The following MCTP2 variants were observed in gnomAD, a reference collection of about 807,000 sequenced individuals.
The protein encoded by MCTP2 is multiple C2 and transmembrane domain-containing protein 2.
MCTP2 carries 132 observed loss-of-function variants against 111.6 expected under a neutral mutation model. That is an observed-to-expected ratio of 1.18 (90% CI 1.03 to 1.37). The LOEUF is 1.37. MCTP2 is among the 40% of genes most tolerant of loss of function. The pLI is 0.00. For missense variants in MCTP2, 1,183 were observed against 1,067.9 expected (o/e 1.11, Z -1.50); for synonymous variants, 395 against 387.7 (o/e 1.02, Z -0.22).
chr15:94,383,023 G>T (rs1287559218), intron 12 of MCTP2, among the ~76,000 whole-genome samples: 1 of 152,078 alleles, frequency 6.6e-6, no homozygotes, highest in African/African-American at 2.4e-5. Flanking sequence ...GTAGAAAGAG[G>T]AGAGGTGAGA....
chr15:94,398,318 T>TG (rs1458184190), intron 14 of MCTP2, among the ~76,000 whole-genome samples: 3 of 152,190 alleles, frequency 2.0e-5, no homozygotes, highest in Non-Finnish European at 4.4e-5. Flanking sequence ...AATAACATTT[T>TG]GGGGGGAATA....
At chr15:94,372,924 GAAC>G (rs1246917035) in intron 12 of MCTP2, among the ~76,000 whole-genome samples, 1 of 152,052 alleles carries the variant, frequency 6.6e-6, no homozygotes, top group African/African-American at 2.4e-5. Context: ...ATGTTTCTAA[GAAC>G]AACATGAAGT....
At chr15:94,235,629 T>C (rs1227304914) in intron 1 of MCTP2, among the ~76,000 whole-genome samples, 1 of 152,216 alleles carries the variant, frequency 6.6e-6, no homozygotes, top group African/African-American at 2.4e-5. Flanking sequence ...GTGCCAGGCA[T>C]TTTGCTAAGA....
intron 1 of MCTP2, among the ~76,000 whole-genome samples, chr15:94,242,937 GTATATGTAGATACACATATACACGTGTA>G (rs2071093923): frequency 1.5e-5 from 2 of 137,614 alleles, no homozygotes; most frequent in African/African-American, 5.4e-5. Context: ...ATATACACGT[GTATATGTAGATACACATATACACGTGTA>G]TATGTGTATC....
chr15:94,417,981 A>G (rs1337634519), intron 17 of MCTP2, among the ~76,000 whole-genome samples: 1 of 152,110 alleles, frequency 6.6e-6, no homozygotes, highest in Non-Finnish European at 1.5e-5. Flanking sequence ...AAGTGGAGTA[A>G]CTTAATACAG....
chr15:94,349,465 C>T (rs923771271), intron 8 of MCTP2, among the ~76,000 whole-genome samples: 9 of 151,988 alleles, frequency 5.9e-5, no homozygotes, highest in Non-Finnish European at 8.8e-5. Flanking sequence ...GAATTAGTGA[C>T]GGAGGTATTC....
intron 4 of MCTP2, among the ~76,000 whole-genome samples, chr15:94,319,956 C>A (rs2076551022): frequency 6.6e-6 from 1 of 152,162 alleles, no homozygotes. Flanking sequence ...TCTTTCAATA[C>A]AGACTCAGAT....
At chr15:94,354,875 T>C (rs1238926581) in intron 8 of MCTP2, among the ~76,000 whole-genome samples, 1 of 152,208 alleles carries the variant, frequency 6.6e-6, no homozygotes, top group Admixed American at 6.5e-5. Context: ...AATTGGTGTC[T>C]AAATGATCTG....
chr15:94,254,434 G>C (rs1370760741), intron 1 of MCTP2, among the ~76,000 whole-genome samples: 1 of 152,128 alleles, frequency 6.6e-6, no homozygotes, highest in Non-Finnish European at 1.5e-5. Flanking sequence ...TATAACCCTT[G>C]ATTTCTTCTT....
At chr15:94,244,766 T>G (rs28971987) in intron 1 of MCTP2, among the ~76,000 whole-genome samples, 3 of 141,992 alleles carry the variant, frequency 2.1e-5, no homozygotes, top group African/African-American at 8.2e-5. Flanking sequence ...ATGTTTATAT[T>G]CGTATATGTA....
intron 2 of MCTP2, among the ~76,000 whole-genome samples, chr15:94,307,764 C>T (rs979368705): frequency 6.6e-6 from 1 of 152,230 alleles, no homozygotes; most frequent in Non-Finnish European, 1.5e-5. Flanking sequence ...GGCGCACAGG[C>T]TGATGGGCTG....
At chr15:94,284,336 G>C (rs1447507113) in intron 1 of MCTP2, among the ~76,000 whole-genome samples, 2 of 152,192 alleles carry the variant, frequency 1.3e-5, no homozygotes, top group African/African-American at 4.8e-5. Context: ...GAAAAACAGA[G>C]AGAGAAACTG....
At chr15:94,435,274 T>G (rs1436581426) in intron 17 of MCTP2, among the ~76,000 whole-genome samples, 1 of 152,198 alleles carries the variant, frequency 6.6e-6, no homozygotes, top group East Asian at 1.9e-4. Context: ...ATACCAAATC[T>G]TCCACTCCAT....
At chr15:94,326,808 T>TCCCC (rs1170531750) in intron 4 of MCTP2, among the ~76,000 whole-genome samples, 17 of 39,440 alleles carry the variant, frequency 4.3e-4, no homozygotes, top group African/African-American at 9.3e-4. Context: ...CCTCAGGTGA[T>TCCCC]CCCCGCCCCA....
chr15:94,439,367 C>T (rs2083651201), intron 17 of MCTP2, among the ~76,000 whole-genome samples: 1 of 150,704 alleles, frequency 6.6e-6, no homozygotes. Flanking sequence ...CCACAAATTA[C>T]CTTATTTCGT....
chr15:94,264,366 TG>T (rs2073381580), intron 1 of MCTP2, among the ~76,000 whole-genome samples: 2 of 152,102 alleles, frequency 1.3e-5, no homozygotes, highest in South Asian at 4.1e-4. Flanking sequence ...CCCAGCACTT[TG>T]GGAGGCCGAG....
At chr15:94,473,187 C>T (rs1384448413) in intron 21 of MCTP2, among the ~76,000 whole-genome samples, 1 of 152,072 alleles carries the variant, frequency 6.6e-6, no homozygotes, top group Non-Finnish European at 1.5e-5. Flanking sequence ...TAATTTTATA[C>T]TAGCTATTGG....
intron 1 of MCTP2, among the ~76,000 whole-genome samples, chr15:94,267,664 T>G (rs1197068563): frequency 6.6e-6 from 1 of 152,098 alleles, no homozygotes; most frequent in Non-Finnish European, 1.5e-5. Context: ...CAAGCTGTTT[T>G]CCAAAGTGTC....
At chr15:94,399,796 T>C in intron 15 of MCTP2, 125 bp from the exon 16 acceptor site, 1 of 779,366 alleles carries the variant, frequency 1.3e-6, no homozygotes, top group Non-Finnish European at 2.2e-6. Context: ...CCACCATTTC[T>C]TTGCTCCCTG....
Sources: allele counts gnomAD v4.1 joint callset (sites outside exome capture counted in the v4.1 genomes callset), GRCh38; gene constraint gnomAD v4.1.1; transcripts MANE v1.5; gene names NCBI Gene and HGNC (gene_info 2026-07-23, HGNC 2026-07-21).